Variants in CSMD1 observed in about 807,000 individuals in gnomAD.
CSMD1 encodes the protein CUB and sushi domain-containing protein 1.
A neutral mutation model predicts 417.5 loss-of-function variants in CSMD1; 213 were observed. That is an observed-to-expected ratio of 0.51 (90% CI 0.46 to 0.57). The LOEUF is 0.57. CSMD1 is among the 20% of genes least tolerant of loss of function. The pLI, the probability that CSMD1 is intolerant of heterozygous loss-of-function variation, is 0.00. For synonymous variants in CSMD1, 2,862 were observed against 1,736.8 expected (o/e 1.65, Z -16.11); for missense variants, 6,923 against 4,529.7 (o/e 1.53, Z -15.17).
chr8:2,956,829 C>A (rs1364459431), intron 63 of CSMD1, among the ~76,000 whole-genome samples: 1 of 151,984 alleles, frequency 6.6e-6, no homozygotes, highest in Non-Finnish European at 1.5e-5. Flanking sequence ...GTAACCACAA[C>A]AAATACCTGA....
Position 4,282,485 on chromosome 8 carries a change from G to C in CSMD1, c.415+137468C>G, listed in dbSNP as rs550362876. Among the ~76,000 whole-genome samples, 213 of 152,230 alleles carry C rather than the reference G, an allele frequency of 1.4e-3. 1 individual carries two copies. The highest frequency in any genetic ancestry group is 2.5e-3 in the Non-Finnish European group (172 of 68,026). ...GTGCCATTTTTGCTTATTTAATTTA[G>C]TATGACATCGTTATCTCCCTCTAAG... On this transcript the variant is annotated intron_variant, in intron 3 of 69. Transcript: ENST00000635120.
intron 3 of CSMD1, among the ~76,000 whole-genome samples, chr8:4,232,252 G>A (rs1304059722): frequency 6.6e-6 from 1 of 152,104 alleles, no homozygotes; most frequent in African/African-American, 2.4e-5. Context: ...AGGCTGTAGT[G>A]CAGTGGCACG....
At chr8:3,983,591 T>C (rs2627441) in intron 5 of CSMD1, among the ~76,000 whole-genome samples, 34,232 of 152,182 alleles carry the variant, frequency 0.22, 4,324 homozygotes, top group East Asian at 0.34. Context: ...TTCTATTTTA[T>C]TTTTTCATAA....
intron 3 of CSMD1, among the ~76,000 whole-genome samples, chr8:4,097,991 G>C (rs1042106475): frequency 2.0e-5 from 3 of 152,126 alleles, no homozygotes; most frequent in South Asian, 4.1e-4. Flanking sequence ...GGATCAGATG[G>C]AAATGAACTC....
chr8:4,726,039 G>A (rs1018737213), intron 1 of CSMD1, among the ~76,000 whole-genome samples: 1 of 152,304 alleles, frequency 6.6e-6, no homozygotes, highest in East Asian at 1.9e-4. Context: ...TGGTCACGGT[G>A]TGAGTTCACA....
chr8:3,343,010 C>A (rs377266866), intron 23 of CSMD1, among the ~76,000 whole-genome samples: 3 of 152,026 alleles, frequency 2.0e-5, no homozygotes, highest in East Asian at 1.9e-4. Flanking sequence ...TACTATACCC[C>A]AATCAATATA....
At chr8:4,104,068 G>C (rs1257487889) in intron 3 of CSMD1, among the ~76,000 whole-genome samples, 2 of 152,150 alleles carry the variant, frequency 1.3e-5, no homozygotes, top group Non-Finnish European at 2.9e-5. Flanking sequence ...TACTACAATA[G>C]GTTCTCCCTC....
intron 3 of CSMD1, among the ~76,000 whole-genome samples, chr8:4,247,273 T>C (rs1802771016): frequency 6.6e-6 from 1 of 152,016 alleles, no homozygotes; most frequent in African/African-American, 2.4e-5. Context: ...AAAGACAAAA[T>C]CACTTAGATA....
At chr8:3,391,775 T>G (rs369268542) in intron 17 of CSMD1, among the ~76,000 whole-genome samples, 7 of 152,202 alleles carry the variant, frequency 4.6e-5, no homozygotes, top group African/African-American at 1.7e-4. Context: ...GGCTGTGATT[T>G]CTGCAACACA....
chr8:3,499,118 C>G (rs1796487385), intron 10 of CSMD1, among the ~76,000 whole-genome samples: 1 of 152,120 alleles, frequency 6.6e-6, no homozygotes, highest in African/African-American at 2.4e-5. Flanking sequence ...AACAATTTCT[C>G]CTAATATTAG....
At chr8:3,038,989 G>C (rs918402587) in intron 50 of CSMD1, among the ~76,000 whole-genome samples, 2 of 152,148 alleles carry the variant, frequency 1.3e-5, no homozygotes, top group African/African-American at 4.8e-5. Flanking sequence ...TACAAGAATA[G>C]ATGGCGACAA....
At chr8:3,150,647 C>A (rs999074088) in intron 40 of CSMD1, among the ~76,000 whole-genome samples, 1 of 152,096 alleles carries the variant, frequency 6.6e-6, no homozygotes, top group Admixed American at 6.5e-5. Context: ...CTACTCTGCC[C>A]GAGGACATTC....
chr8:4,708,881 A>C (rs1451384978), intron 1 of CSMD1, among the ~76,000 whole-genome samples: 1 of 152,186 alleles, frequency 6.6e-6, no homozygotes, highest in Admixed American at 6.5e-5. Context: ...TTAGAATTCA[A>C]AACACACAGA....
intron 10 of CSMD1, among the ~76,000 whole-genome samples, chr8:3,518,229 T>G (rs547604882): frequency 6.6e-6 from 1 of 152,334 alleles, no homozygotes; most frequent in African/African-American, 2.4e-5. Flanking sequence ...TTTTTGTAGT[T>G]TTAATTTTCC....
chr8:4,487,820 G>C (rs1012467852), intron 2 of CSMD1, among the ~76,000 whole-genome samples: 1 of 94,264 alleles, frequency 1.1e-5, no homozygotes, highest in Admixed American at 1.0e-4. Flanking sequence ...GCAAGAGAGA[G>C]ATAACAAGGG....
At position 2,935,558 on chromosome 8, in the gene CSMD1, G is replaced by A. The variant is rs1801396009; in HGVS notation, c.*3027C>T. On this transcript the variant is annotated 3_prime_UTR_variant, in exon 70 of 70. Coordinates refer to ENST00000635120, the MANE Select transcript of CSMD1 (RefSeq NM_033225.6). ...GAGATGGTACATTTTACATTATTGGGAAAATTACAGTTCTGTATTGTAAAA... is the reference window on the plus strand; with the variant it reads ...GAGATGGTACATTTTACATTATTGGAAAAATTACAGTTCTGTATTGTAAAA... 1 of 152,074 alleles carries A rather than the reference G, an allele frequency of 6.6e-6. No homozygotes were observed. The highest frequency in any genetic ancestry group is 1.5e-5 in the Non-Finnish European group (1 of 68,018). The allele number at this position is 152,074 out of a possible 1,614,324, so 9.4% of individuals were successfully genotyped here.
At chr8:4,040,063 G>A (rs903475574) in intron 3 of CSMD1, among the ~76,000 whole-genome samples, 4 of 152,030 alleles carry the variant, frequency 2.6e-5, no homozygotes, top group African/African-American at 9.7e-5. Flanking sequence ...CAAATGTTAG[G>A]GAAATAATAC....
chr8:4,440,778 C>T (rs1037730610), intron 2 of CSMD1, among the ~76,000 whole-genome samples: 1 of 151,940 alleles, frequency 6.6e-6, no homozygotes, highest in Non-Finnish European at 1.5e-5. Flanking sequence ...AGCAGATCAC[C>T]TGAGGTCAGC....
chr8:4,925,978 T>C (rs1178688372), intron 1 of CSMD1, among the ~76,000 whole-genome samples: 1 of 152,226 alleles, frequency 6.6e-6, no homozygotes, highest in African/African-American at 2.4e-5. Context: ...ATTACAGTTT[T>C]AGCAATGCAT....
Sources: gnomAD v4.1 joint callset for allele counts (sites outside exome capture counted in the v4.1 genomes callset) on GRCh38, gnomAD v4.1.1 for gene constraint, MANE v1.5 for transcripts, NCBI Gene and HGNC (gene_info 2026-07-23, HGNC 2026-07-21) for gene names.